Variants in SLC6A6 observed in about 807,000 individuals in gnomAD.
SLC6A6 encodes the protein sodium- and chloride-dependent taurine transporter.
In SLC6A6, 16 loss-of-function variants were observed where a neutral mutation model predicts 68.8. The ratio of observed to expected loss-of-function variants is 0.23; its 90% CI spans 0.16 to 0.35. The LOEUF (loss-of-function observed/expected upper bound fraction) is 0.35, where lower values mean the gene tolerates loss of function less well. Ranked by LOEUF, SLC6A6 falls within the 10% of genes least tolerant of loss-of-function variation. SLC6A6 has a pLI of 1.00. For missense variants in SLC6A6, 474 were observed against 802.8 expected, an observed-to-expected ratio of 0.59 and a Z score of 4.95; for synonymous variants, 312 against 315.4, an observed-to-expected ratio of 0.99 and a Z score of 0.12.
intron 2 of SLC6A6, among the ~76,000 whole-genome samples, chr3:14,426,011 T>C (rs4333070): frequency 0.033 from 5,042 of 152,300 alleles, 230 homozygotes; most frequent in African/African-American, 0.1. Context: ...GGCTGTTAGC[T>C]GCTGCTCTTA....
Position 14,478,633 on chromosome 3 carries a change from T to C in SLC6A6, c.1450+65T>C, listed in dbSNP as rs1449247819. On this transcript the variant is annotated intron_variant, in intron 12 of 14. Coordinates refer to ENST00000622186, the MANE Select transcript of SLC6A6 (RefSeq NM_003043.6). ...CTTTGGGCTTCTCTACTTAGAAGCT[T>C]CAGAAGCAGAGAATACTAACAGAAA... is the stretch of plus-strand genomic sequence containing the variant. 3 of 996,260 alleles carry C rather than the reference T, an allele frequency of 3.0e-6. No individual in the cohort carries two copies. The African/African-American group carries it at 4.8e-5, about 16-fold the overall frequency. The allele number at this position is 996,260 out of a possible 1,614,324, so 61.7% of individuals were successfully genotyped here. A position where few individuals can be genotyped will look rare whatever the true frequency, so the allele number is the denominator to read the frequency against.
intron 1 of SLC6A6, among the ~76,000 whole-genome samples, chr3:14,406,551 CA>C (rs1294281353): frequency 6.6e-6 from 1 of 152,208 alleles, no homozygotes; most frequent in Non-Finnish European, 1.5e-5. Flanking sequence ...AAGGCCTGGA[CA>C]TGCTATTTAA....
intron 2 of SLC6A6, among the ~76,000 whole-genome samples, chr3:14,423,907 G>A (rs1201109400): frequency 6.6e-6 from 1 of 152,148 alleles, no homozygotes; most frequent in African/African-American, 2.4e-5. Context: ...CCTTCTGTGG[G>A]CCAAGCGATC....
chr3:14,427,147 C>G (rs1023994309), intron 2 of SLC6A6, among the ~76,000 whole-genome samples: 1 of 152,096 alleles, frequency 6.6e-6, no homozygotes, highest in Admixed American at 6.5e-5. Context: ...GAGTAGAAGC[C>G]CTTTGGGAAG....
chr3:14,440,992 G>C (rs1261604752), intron 2 of SLC6A6, among the ~76,000 whole-genome samples: 1 of 152,012 alleles, frequency 6.6e-6, no homozygotes, highest in Admixed American at 6.5e-5. Context: ...AGTGTGGAAG[G>C]GGGTGGAGGC....
rs958644848 is a variant in SLC6A6 at position 14,485,390 on chromosome 3, T to C, written c.*383T>C. On this transcript the variant is annotated 3_prime_UTR_variant, in exon 15 of 15. Coordinates refer to ENST00000622186, the MANE Select transcript of SLC6A6 (RefSeq NM_003043.6). Reference sequence around the variant, plus strand: ...CTTTTACCACTTGAATTGATCTTCTTGCCAGCAATAGATCTCATTTTCAAA... The same window carrying C: ...CTTTTACCACTTGAATTGATCTTCTCGCCAGCAATAGATCTCATTTTCAAA... 6.4e-6 allele frequency: 1 copy of C among 157,264 alleles called. No homozygotes were observed. Among genetic ancestry groups the C allele is most frequent in the Admixed American group, 6.3e-5 (1 of 15,760 alleles). 9.7% of individuals were successfully genotyped at this position (157,264 alleles called of 1,614,324 possible).
intron 2 of SLC6A6, among the ~76,000 whole-genome samples, chr3:14,421,571 G>A (rs989349153): frequency 4.6e-5 from 7 of 152,216 alleles, no homozygotes; most frequent in Non-Finnish European, 8.8e-5. Context: ...AGTTAACATC[G>A]TTATTGCTCG....
Position 14,472,493 on chromosome 3 carries a change from C to A in SLC6A6, c.1209+176C>A, listed in dbSNP as rs1044480419. 1.3e-5 allele frequency among the ~76,000 whole-genome samples: 2 copies of A among 152,282 alleles called. No homozygotes were observed. Among genetic ancestry groups the A allele is most frequent in the African/African-American group, 4.8e-5 (2 of 41,550 alleles). On this transcript the variant is annotated intron_variant, in intron 10 of 14. Transcript: ENST00000622186. The surrounding 1 kb of genome is among the most constrained non-coding windows in gnomAD (Gnocchi z 4.5). ...CAGGAATAGAAAAAGCTCTGCGTCC[C>A]CAGAAAGTGCATTTGAACAAGATAA...
intron 6 of SLC6A6, among the ~76,000 whole-genome samples, chr3:14,466,203 A>T (rs1390398370): frequency 6.6e-6 from 1 of 150,446 alleles, no homozygotes; most frequent in Non-Finnish European, 1.5e-5. Flanking sequence ...CGGAGGTTGC[A>T]GTGAGCCGAG....
At position 14,468,187 on chromosome 3, in the gene SLC6A6, G is replaced by T. The variant is rs1445713214; in HGVS notation, c.1071G>T (p.Val357=). 2 of 1,613,908 alleles carry T rather than the reference G, an allele frequency of 1.2e-6. No individual in the cohort carries two copies. The highest frequency in any genetic ancestry group is 1.7e-6 in the Non-Finnish European group (2 of 1,179,930). The part of the protein sequence containing the change: ...ILGFMAQEQG[V]DIADVAESGP... The stretch of plus-strand genomic sequence containing the variant: ...GCTTCATGGCACAAGAGCAAGGGGT[G>T]GACATTGCTGATGTGGCTGAGTCAG... The change falls in exon 9 of 15, where the codon GTG becomes GTT. Residue 357 remains valine, a synonymous_variant. Coordinates refer to ENST00000622186, the MANE Select transcript of SLC6A6 (RefSeq NM_003043.6). The surrounding 1 kb of genome is among the most constrained non-coding windows in gnomAD (Gnocchi z 4.5).
chr3:14,416,661 C>G (rs1699369342), intron 2 of SLC6A6, among the ~76,000 whole-genome samples: 1 of 152,248 alleles, frequency 6.6e-6, no homozygotes, highest in African/African-American at 2.4e-5. Context: ...TGGTCCCCAG[C>G]CAGTCTGTGC....
At chr3:14,414,508 C>T (rs1326563827) in intron 1 of SLC6A6, among the ~76,000 whole-genome samples, 2 of 151,952 alleles carry the variant, frequency 1.3e-5, no homozygotes, top group African/African-American at 4.8e-5. Flanking sequence ...GACATATGGA[C>T]TTTAGTGCTA....
intron 1 of SLC6A6, among the ~76,000 whole-genome samples, chr3:14,409,033 C>A (rs970971684): frequency 1.3e-5 from 2 of 152,236 alleles, no homozygotes; most frequent in Non-Finnish European, 2.9e-5. Context: ...TGGTCTCGAT[C>A]TCCTGACCTG....
intron 1 of SLC6A6, among the ~76,000 whole-genome samples, chr3:14,403,237 G>A (rs1699029630): frequency 6.6e-6 from 1 of 152,128 alleles, no homozygotes; most frequent in Non-Finnish European, 1.5e-5. Context: ...GCACATGTGT[G>A]TTCCGGTGCA....
intron 9 of SLC6A6, among the ~76,000 whole-genome samples, chr3:14,470,085 A>G (rs935193141): frequency 2.0e-5 from 3 of 152,148 alleles, no homozygotes; most frequent in African/African-American, 7.2e-5. Flanking sequence ...TTGCAAACCA[A>G]TCGCAATTGA....
intron 2 of SLC6A6, among the ~76,000 whole-genome samples, chr3:14,430,754 T>C (rs1194971918): frequency 6.6e-6 from 1 of 152,248 alleles, no homozygotes; most frequent in East Asian, 1.9e-4. Context: ...TCCCACCAAG[T>C]TGGGGTTGTC....
At chr3:14,425,681 T>G (rs1699578683) in intron 2 of SLC6A6, among the ~76,000 whole-genome samples, 1 of 131,382 alleles carries the variant, frequency 7.6e-6, no homozygotes, top group Non-Finnish European at 1.6e-5. Flanking sequence ...GAAAGGAAGC[T>G]CTAAGGAGGT....
Position 14,402,924 on chromosome 3 carries a change from C to G in SLC6A6, c.-54+77C>G. ...CAGCCCCTCCCCATCCCCGCGTCGCCGCAGTCCCGGCCTCCTCCCCTCCGC... is the reference window on the plus strand; with the variant it reads ...CAGCCCCTCCCCATCCCCGCGTCGCGGCAGTCCCGGCCTCCTCCCCTCCGC... On this transcript the variant is annotated intron_variant, in intron 1 of 14. Coordinates refer to ENST00000622186, the MANE Select transcript of SLC6A6 (RefSeq NM_003043.6). This position sits in a 1 kb window ranked among gnomAD's most constrained non-coding sequence, Gnocchi z 4.8. 1 of 387,098 alleles carries G rather than the reference C, an allele frequency of 2.6e-6. No homozygotes were observed. The highest frequency in any genetic ancestry group is 4.5e-5 in the Admixed American group (1 of 22,300). 24.0% of individuals were successfully genotyped at this position (387,098 alleles called of 1,614,324 possible).
chr3:14,479,787 C>T (rs1363800333), intron 13 of SLC6A6, among the ~76,000 whole-genome samples: 1 of 152,230 alleles, frequency 6.6e-6, no homozygotes, highest in African/African-American at 2.4e-5. Context: ...GCCTTGGCAC[C>T]TGCCCATGCA....
Sources: gnomAD v4.1 joint callset for allele counts (sites outside exome capture counted in the v4.1 genomes callset) on GRCh38, gnomAD v4.1.1 for gene constraint, Gnocchi (gnomAD v3.1) non-coding constraint, MANE v1.5 for transcripts, NCBI Gene and HGNC (gene_info 2026-07-23, HGNC 2026-07-21) for gene names.